Variants in CLEC16A observed in about 807,000 individuals in gnomAD.
CLEC16A encodes protein CLEC16A.
Under a neutral mutation model 109.5 loss-of-function variants are expected in CLEC16A, and 51 were observed. That is an observed-to-expected ratio of 0.47 (90% CI 0.37 to 0.59). CLEC16A has a LOEUF of 0.59. CLEC16A is among the 20% of genes least tolerant of loss of function. CLEC16A has a pLI of 0.00. For synonymous variants in CLEC16A, 673 were observed against 564.2 expected, an observed-to-expected ratio of 1.19 and a Z score of -2.73; for missense variants, 1,339 against 1,394.0, an observed-to-expected ratio of 0.96 and a Z score of 0.63.
chr16:11,061,070 C>T (rs201939372), intron 19 of CLEC16A, 48 bp downstream of exon 19: 4 of 1,544,336 alleles, frequency 2.6e-6, no homozygotes, highest in East Asian at 2.3e-5. Flanking sequence ...GGACATGGGA[C>T]ATGGGACACC....
At chr16:11,117,305 C>T (rs552053216) in intron 19 of CLEC16A, among the ~76,000 whole-genome samples, 1 of 152,096 alleles carries the variant, frequency 6.6e-6, no homozygotes, top group Admixed American at 6.5e-5. Flanking sequence ...AACTTTATGG[C>T]GTGTAAATTA....
intron 11 of CLEC16A, among the ~76,000 whole-genome samples, chr16:11,012,519 C>T (rs533407843): frequency 7.3e-6 from 1 of 136,444 alleles, no homozygotes; most frequent in African/African-American, 2.7e-5. Context: ...GGCGTGAACC[C>T]GGGAGGCGGA....
At chr16:11,092,259 G>A (rs546332711) in intron 19 of CLEC16A, among the ~76,000 whole-genome samples, 4 of 152,046 alleles carry the variant, frequency 2.6e-5, no homozygotes, top group South Asian at 2.1e-4. Context: ...TGGGAGGATC[G>A]CTTGAGCCCA....
rs930638760 is a variant in CLEC16A, at chr16:11,180,674, T to C, written c.*1984T>C. ...CACTTCTGGTTTTGAAATGACTCTG[T>C]CTGTGGGGCAGCAGAAACTAGAGAA... On this transcript the variant is annotated 3_prime_UTR_variant, in exon 24 of 24. Transcript: ENST00000409790. 6.6e-6 allele frequency: 1 copy of C among 152,238 alleles called. No individual in the cohort carries two copies. The highest frequency in any genetic ancestry group is 6.5e-5 in the Admixed American group (1 of 15,276). The allele number at this position is 152,238 out of a possible 1,614,324, so 9.4% of individuals were successfully genotyped here. A position where few individuals can be genotyped will look rare whatever the true frequency, so the allele number is the denominator to read the frequency against.
At chr16:11,148,366 GA>G (rs1330286229) in intron 22 of CLEC16A, among the ~76,000 whole-genome samples, 1 of 152,130 alleles carries the variant, frequency 6.6e-6, no homozygotes, top group Non-Finnish European at 1.5e-5. Flanking sequence ...TTGTATGGTA[GA>G]AACCTCCACC....
intron 17 of CLEC16A, 69 bp downstream of exon 17, chr16:11,047,411 T>A (rs1597193516): frequency 1.6e-6 from 2 of 1,261,520 alleles, no homozygotes; most frequent in Non-Finnish European, 2.2e-6. Flanking sequence ...CCCCTGCCCA[T>A]CCCAGAGGGA....
intron 2 of CLEC16A, 71 bp from the exon 3 acceptor site, chr16:10,962,384 T>A: frequency 6.3e-7 from 1 of 1,590,748 alleles, no homozygotes; most frequent in Non-Finnish European, 8.6e-7. Flanking sequence ...GTGTTGTGAA[T>A]GAAACCAGAT....
At chr16:11,013,131 G>A (rs1567194968) in intron 11 of CLEC16A, among the ~76,000 whole-genome samples, 1 of 152,204 alleles carries the variant, frequency 6.6e-6, no homozygotes, top group Non-Finnish European at 1.5e-5. Context: ...CAGACATGGC[G>A]AGAACATGCA....
At chr16:11,166,125 C>T (rs2068249874) in intron 22 of CLEC16A, among the ~76,000 whole-genome samples, 1 of 152,236 alleles carries the variant, frequency 6.6e-6, no homozygotes, top group South Asian at 2.1e-4. Context: ...ATCAGGCACT[C>T]GGATTTACGA....
chr16:11,096,109 G>A (rs2050598203), intron 19 of CLEC16A, among the ~76,000 whole-genome samples: 1 of 152,088 alleles, frequency 6.6e-6, no homozygotes, highest in Non-Finnish European at 1.5e-5. Context: ...CTGAGGCGAG[G>A]GTTGTGGGGG....
At chr16:11,093,804 A>C (rs892654727) in intron 19 of CLEC16A, among the ~76,000 whole-genome samples, 4 of 152,198 alleles carry the variant, frequency 2.6e-5, no homozygotes, top group Admixed American at 1.3e-4. Flanking sequence ...GAGCAGCTCC[A>C]GGAAGCCCAC....
intron 19 of CLEC16A, among the ~76,000 whole-genome samples, chr16:11,083,841 A>G (rs1291457361): frequency 1.3e-5 from 2 of 152,026 alleles, no homozygotes; most frequent in Non-Finnish European, 2.9e-5. Flanking sequence ...TGACATGAAG[A>G]GTCTGTCTTA....
intron 7 of CLEC16A, among the ~76,000 whole-genome samples, chr16:10,976,991 T>C (rs1466016215): frequency 6.6e-6 from 1 of 152,180 alleles, no homozygotes; most frequent in Non-Finnish European, 1.5e-5. Flanking sequence ...TTTAGCAGCA[T>C]TTTGCTTTGT....
At chr16:11,000,617 C>G (rs1394808363) in intron 10 of CLEC16A, among the ~76,000 whole-genome samples, 1 of 152,176 alleles carries the variant, frequency 6.6e-6, no homozygotes, top group Non-Finnish European at 1.5e-5. Context: ...GCAGTGCATT[C>G]TCAGAACGCT....
At position 11,145,859 on chromosome 16, in the gene CLEC16A, G is replaced by A. The variant is rs187744424; in HGVS notation, c.2641+19713G>A. On this transcript the variant is annotated intron_variant, in intron 22 of 23. Coordinates refer to ENST00000409790, the MANE Select transcript of CLEC16A (RefSeq NM_015226.3). ...AGTGTCTCCTCTACTTAGATTCTTC[G>A]CTGGCTCCCATCACTCAGATGAAAG... 6.6e-5 allele frequency among the ~76,000 whole-genome samples: 10 copies of A among 152,280 alleles called. No individual in the cohort carries two copies. In the East Asian group the frequency reaches 1.2e-3, roughly 18 times the overall value.
intron 13 of CLEC16A, chr16:11,027,658 C>T: frequency 6.5e-7 from 1 of 1,544,058 alleles, no homozygotes; most frequent in Non-Finnish European, 8.8e-7. Flanking sequence ...TTCCACCTCT[C>T]AGTGGCCCAT....
At chr16:11,068,993 T>TTC (rs945555919) in intron 19 of CLEC16A, among the ~76,000 whole-genome samples, 1 of 150,908 alleles carries the variant, frequency 6.6e-6, no homozygotes, top group Non-Finnish European at 1.5e-5. Flanking sequence ...TTTCTTTTTT[T>TTC]TTTTTTTTTT....
At chr16:11,088,418 C>A (rs1291831656) in intron 19 of CLEC16A, among the ~76,000 whole-genome samples, 1 of 152,212 alleles carries the variant, frequency 6.6e-6, no homozygotes, top group African/African-American at 2.4e-5. Context: ...GGGCCATTAT[C>A]TGTGTACCAT....
At chr16:11,104,445 A>G (rs1597393791) in intron 19 of CLEC16A, among the ~76,000 whole-genome samples, 1 of 152,152 alleles carries the variant, frequency 6.6e-6, no homozygotes, top group South Asian at 2.1e-4. Context: ...AGGTTTTAAC[A>G]TATTCTCTAG....
Sources: gnomAD v4.1 joint callset for allele counts (sites outside exome capture counted in the v4.1 genomes callset) on GRCh38, gnomAD v4.1.1 for gene constraint, MANE v1.5 for transcripts, NCBI Gene and HGNC (gene_info 2026-07-23, HGNC 2026-07-21) for gene names.